Variants in KCNMB2 observed in about 807,000 individuals in gnomAD.
The protein encoded by KCNMB2 is calcium-activated potassium channel subunit beta-2.
In KCNMB2, 9 loss-of-function variants were observed where a neutral mutation model predicts 24.5. That is an observed-to-expected ratio of 0.37 (90% CI 0.22 to 0.64). The LOEUF (loss-of-function observed/expected upper bound fraction) is 0.64. Among genes scored for constraint, KCNMB2 ranks in the 30% least tolerant of loss-of-function variants. The pLI is 0.63. For synonymous variants in KCNMB2, 109 were observed against 104.4 expected (o/e 1.04, Z -0.27); for missense variants, 226 against 284.3 (o/e 0.79, Z 1.47).
chr3:178,686,716 A>C (rs1386265574), intron 1 of KCNMB2, among the ~76,000 whole-genome samples: 1 of 152,194 alleles, frequency 6.6e-6, no homozygotes, highest in Non-Finnish European at 1.5e-5. Context: ...TATGGTGTAC[A>C]ACTTTTAGTT....
chr3:178,627,209 A>G (rs563888113), intron 1 of KCNMB2, among the ~76,000 whole-genome samples: 1 of 152,312 alleles, frequency 6.6e-6, no homozygotes, highest in South Asian at 2.1e-4. Context: ...GAAATTCTTT[A>G]ATTTCATTCA....
At chr3:178,761,968 A>G (rs566718708) in intron 1 of KCNMB2, among the ~76,000 whole-genome samples, 28 of 152,186 alleles carry the variant, frequency 1.8e-4, no homozygotes, top group Non-Finnish European at 2.9e-4. Context: ...TCAGGAAATC[A>G]AGACCATCCT....
chr3:178,744,610 G>C (rs6443576), intron 1 of KCNMB2, among the ~76,000 whole-genome samples: 5 of 151,804 alleles, frequency 3.3e-5, no homozygotes, highest in African/African-American at 1.2e-4. Context: ...ATAGAGCAAG[G>C]GTTGACACCC....
intron 1 of KCNMB2, among the ~76,000 whole-genome samples, chr3:178,759,696 A>ATCTCTCTC (rs1711639357): frequency 9.3e-6 from 1 of 107,502 alleles, no homozygotes; most frequent in African/African-American, 3.1e-5. Flanking sequence ...GGATATATAT[A>ATCTCTCTC]CACATATATA....
chr3:178,663,423 C>T (rs758969336), intron 1 of KCNMB2, among the ~76,000 whole-genome samples: 2 of 152,090 alleles, frequency 1.3e-5, no homozygotes, highest in Non-Finnish European at 2.9e-5. Flanking sequence ...CACTTGCCTC[C>T]AAGAAAAATT....
chr3:178,599,133 T>G (rs9879705), intron 1 of KCNMB2, among the ~76,000 whole-genome samples: 55,221 of 151,938 alleles, frequency 0.36, 10,496 homozygotes, highest in African/African-American at 0.49. Context: ...AAGATTAACA[T>G]AGTGTATTAT....
At chr3:178,716,794 A>G (rs1722633545) in intron 1 of KCNMB2, among the ~76,000 whole-genome samples, 1 of 152,132 alleles carries the variant, frequency 6.6e-6, no homozygotes. Context: ...TTCCACATAT[A>G]TGCATATTAG....
At chr3:178,696,725 T>C (rs529577529) in intron 1 of KCNMB2, among the ~76,000 whole-genome samples, 2 of 152,340 alleles carry the variant, frequency 1.3e-5, no homozygotes, top group East Asian at 1.9e-4. Context: ...AACTTTTTGA[T>C]GTGTGCATTT....
intron 1 of KCNMB2, among the ~76,000 whole-genome samples, chr3:178,625,188 C>T (rs1268353168): frequency 6.6e-6 from 1 of 152,078 alleles, no homozygotes; most frequent in Non-Finnish European, 1.5e-5. Context: ...CTCTTGGGGT[C>T]CCTGAAACAA....
At position 178,695,277 on chromosome 3, in the gene KCNMB2, CT is replaced by C. The variant is rs112281007; in HGVS notation, c.-67-112060del. Among the ~76,000 whole-genome samples, 253 of 151,738 alleles carry C rather than the reference CT, an allele frequency of 1.7e-3. 1 individual carries two copies. Among genetic ancestry groups the C allele is most frequent in the African/African-American group, 5.8e-3 (242 of 41,512 alleles). Reference sequence around the variant, plus strand: ...GGGCCCTGGACTCAGCTCAGGAAACCTTTTTTCCCTCCTTGGCCTCCAGGCC... The same window carrying C: ...GGGCCCTGGACTCAGCTCAGGAAACCTTTTTCCCTCCTTGGCCTCCAGGCC... On this transcript the variant is annotated intron_variant, in intron 1 of 4. Coordinates refer to ENST00000452583, the MANE Select transcript of KCNMB2 (RefSeq NM_181361.3).
chr3:178,667,255 T>C (rs1373016902), intron 1 of KCNMB2, among the ~76,000 whole-genome samples: 2 of 152,132 alleles, frequency 1.3e-5, no homozygotes, highest in African/African-American at 4.8e-5. Context: ...GAAGACCATG[T>C]GCTATTGTTT....
At chr3:178,805,092 G>T (rs1577201731) in intron 1 of KCNMB2, among the ~76,000 whole-genome samples, 1 of 152,260 alleles carries the variant, frequency 6.6e-6, no homozygotes, top group East Asian at 1.9e-4. Flanking sequence ...AGTGTCTAGG[G>T]CATCCATTCA....
At chr3:178,545,962 G>A (rs1715759362) in intron 1 of KCNMB2, among the ~76,000 whole-genome samples, 1 of 152,116 alleles carries the variant, frequency 6.6e-6, no homozygotes, top group Non-Finnish European at 1.5e-5. Context: ...TTTTATCTGT[G>A]TGGTGCTTGG....
At chr3:178,719,011 T>TAATGATCTCTCGCAGCCTCC (rs1242301308) in intron 1 of KCNMB2, among the ~76,000 whole-genome samples, 1 of 152,162 alleles carries the variant, frequency 6.6e-6, no homozygotes, top group Non-Finnish European at 1.5e-5. Flanking sequence ...GTCTCTAAGC[T>TAATGATCTCTCGCAGCCTCC]AATGATCTCT....
intron 1 of KCNMB2, among the ~76,000 whole-genome samples, chr3:178,560,596 C>T (rs1167230390): frequency 6.6e-6 from 1 of 152,190 alleles, no homozygotes; most frequent in East Asian, 1.9e-4. Flanking sequence ...TGAAATCTAT[C>T]CAAAGCCAAA....
At chr3:178,659,523 T>C (rs1441077984) in intron 1 of KCNMB2, among the ~76,000 whole-genome samples, 4 of 152,206 alleles carry the variant, frequency 2.6e-5, no homozygotes, top group Non-Finnish European at 5.9e-5. Flanking sequence ...CTGGTACAAT[T>C]ACCTCTGTTT....
intron 1 of KCNMB2, among the ~76,000 whole-genome samples, chr3:178,758,163 AG>A (rs1337783323): frequency 6.4e-5 from 2 of 31,456 alleles, no homozygotes; most frequent in African/African-American, 1.7e-4. Flanking sequence ...TATATCCAAG[AG>A]GATATATATA....
At chr3:178,832,143 T>G (rs1715078170) in intron 4 of KCNMB2, among the ~76,000 whole-genome samples, 1 of 152,170 alleles carries the variant, frequency 6.6e-6, no homozygotes, top group Non-Finnish European at 1.5e-5. Flanking sequence ...TTTATTTTAG[T>G]GCAATGACAT....
intron 4 of KCNMB2, among the ~76,000 whole-genome samples, chr3:178,840,683 G>T (rs1577228942): frequency 6.6e-6 from 1 of 152,224 alleles, no homozygotes; most frequent in East Asian, 1.9e-4. Context: ...GGCCTGAGCT[G>T]TACATTGACC....
Sources: gnomAD v4.1 joint callset for allele counts (sites outside exome capture counted in the v4.1 genomes callset) on GRCh38, gnomAD v4.1.1 for gene constraint, MANE v1.5 for transcripts, NCBI Gene and HGNC (gene_info 2026-07-23, HGNC 2026-07-21) for gene names.